The following PRKG1 variants were observed in gnomAD, a reference collection of about 807,000 sequenced individuals.
The protein encoded by PRKG1 is cGMP-dependent protein kinase 1.
PRKG1 carries 35 observed loss-of-function variants against 88.1 expected under a neutral mutation model. The observed-to-expected ratio is 0.40, with a 90% CI of 0.30 to 0.53. The LOEUF is 0.53. Ranked by LOEUF, PRKG1 falls within the 20% of genes least tolerant of loss-of-function variation. The pLI, the probability that PRKG1 is intolerant of heterozygous loss-of-function variation, is 0.59. For synonymous variants in PRKG1, 303 were observed against 292.5 expected, an observed-to-expected ratio of 1.04 and a Z score of -0.37; for missense variants, 540 against 839.8, an observed-to-expected ratio of 0.64 and a Z score of 4.41.
At chr10:51,406,859 T>G in intron 2 of PRKG1, among the ~76,000 whole-genome samples, 1 of 152,156 alleles carries the variant, frequency 6.6e-6, no homozygotes, top group East Asian at 1.9e-4. Context: ...GGGGAGTTTA[T>G]TAAGTATTAA....
At chr10:51,201,136 G>A (rs1837901788) in intron 2 of PRKG1, among the ~76,000 whole-genome samples, 2 of 152,118 alleles carry the variant, frequency 1.3e-5, no homozygotes, top group Admixed American at 1.3e-4. Flanking sequence ...TTAAAACTAA[G>A]TGTATTGGCT....
Position 52,266,838 on chromosome 10 carries a change from C to T in PRKG1, c.1174-4512C>T, listed in dbSNP as rs547511590. On this transcript the variant is annotated intron_variant, in intron 10 of 17. Coordinates refer to ENST00000373980, the MANE Select transcript of PRKG1 (RefSeq NM_006258.4). ...TTAGTCAAATGTCACACTAGTCACACTCTCAACCAGTGCATTAGCCTGTAC... is the reference window on the plus strand; with the variant it reads ...TTAGTCAAATGTCACACTAGTCACATTCTCAACCAGTGCATTAGCCTGTAC... Among the ~76,000 whole-genome samples the T allele has an allele frequency of 6.6e-5, 10 of 152,102 alleles. No individual in the cohort carries two copies. In the South Asian group the frequency reaches 1.9e-3, roughly 28 times the overall value.
chr10:52,010,091 A>G (rs548644951), intron 5 of PRKG1, among the ~76,000 whole-genome samples: 1 of 152,322 alleles, frequency 6.6e-6, no homozygotes, highest in South Asian at 2.1e-4. Flanking sequence ...CCTAGGAAGT[A>G]GCATTCTGGA....
chr10:51,349,667 C>G (rs563382920), intron 2 of PRKG1, among the ~76,000 whole-genome samples: 67 of 151,980 alleles, frequency 4.4e-4, no homozygotes, highest in African/African-American at 1.4e-3. Flanking sequence ...CCACCACGCC[C>G]AGCTAATTTT....
intron 3 of PRKG1, among the ~76,000 whole-genome samples, chr10:51,588,826 A>C (rs1008160885): frequency 3.3e-5 from 5 of 152,196 alleles, no homozygotes; most frequent in African/African-American, 7.2e-5. Context: ...GCTTTCCATC[A>C]AAAGGCTAGG....
chr10:51,021,160 C>G (rs188910851), intron 1 of PRKG1, among the ~76,000 whole-genome samples: 16 of 152,224 alleles, frequency 1.1e-4, no homozygotes, highest in Admixed American at 2.0e-4. Context: ...ATGGTACACT[C>G]TTTAATCAGA....
chr10:51,050,593 C>G (rs904937503), intron 1 of PRKG1, among the ~76,000 whole-genome samples: 34 of 152,156 alleles, frequency 2.2e-4, no homozygotes, highest in African/African-American at 8.2e-4. Flanking sequence ...CATGTCTTGG[C>G]TATTGTAAAT....
chr10:51,565,180 G>T (rs910093463), intron 3 of PRKG1, among the ~76,000 whole-genome samples: 1 of 151,618 alleles, frequency 6.6e-6, no homozygotes, highest in Non-Finnish European at 1.5e-5. Context: ...CTCAAATTGG[G>T]ATACATTTTT....
chr10:51,788,797 G>A (rs1035617741), intron 3 of PRKG1, among the ~76,000 whole-genome samples: 1 of 152,158 alleles, frequency 6.6e-6, no homozygotes, highest in Admixed American at 6.5e-5. Context: ...AACTTCTAAA[G>A]CATGTCAACA....
chr10:51,677,596 T>A (rs539078809), intron 3 of PRKG1, among the ~76,000 whole-genome samples: 1 of 152,290 alleles, frequency 6.6e-6, no homozygotes, highest in East Asian at 1.9e-4. Flanking sequence ...ATAAATACAC[T>A]CGCCAGTGTC....
intron 3 of PRKG1, among the ~76,000 whole-genome samples, chr10:51,678,951 T>C (rs1840777917): frequency 6.6e-6 from 1 of 152,244 alleles, no homozygotes; most frequent in African/African-American, 2.4e-5. Flanking sequence ...AGTGGTCTCC[T>C]AATTCATCTG....
At chr10:51,271,491 T>C (rs1284043522) in intron 2 of PRKG1, among the ~76,000 whole-genome samples, 2 of 152,178 alleles carry the variant, frequency 1.3e-5, no homozygotes, top group Admixed American at 1.3e-4. Flanking sequence ...ATATTATGGA[T>C]ATAAGATGTA....
chr10:51,374,531 G>A (rs1842780002), intron 2 of PRKG1, among the ~76,000 whole-genome samples: 1 of 152,108 alleles, frequency 6.6e-6, no homozygotes, highest in African/African-American at 2.4e-5. Flanking sequence ...ACATAAATGG[G>A]ATTAGGTGCC....
rs183113646 is a variant in PRKG1 at position 51,501,467 on chromosome 10, G to C, written c.592+33631G>C. Among the ~76,000 whole-genome samples the C allele has an allele frequency of 1.4e-3, 213 of 152,206 alleles. 3 individuals are homozygous for C. The South Asian group carries it at 0.031, about 22-fold the overall frequency. On this transcript the variant is annotated intron_variant, in intron 3 of 17. Transcript: ENST00000373980. ...GCAACCTGCTGGATGGATTCCTGTA[G>C]AACATCTTCCACTGTAGCTGGCATG... is the stretch of plus-strand genomic sequence containing the variant.
At chr10:51,113,944 CGTGTGTGTGTGTGT>C (rs35562284) in intron 1 of PRKG1, among the ~76,000 whole-genome samples, 391 of 139,124 alleles carry the variant, frequency 2.8e-3, no homozygotes, top group African/African-American at 7.5e-3. Context: ...AGCCTGTAAA[CGTGTGTGTGTGTGT>C]GTGTGTGTGT....
At chr10:52,166,430 A>ATTTTTT (rs71032627) in intron 9 of PRKG1, among the ~76,000 whole-genome samples, 1 of 105,672 alleles carries the variant, frequency 9.5e-6, no homozygotes, top group African/African-American at 3.2e-5. Context: ...TTTGAATATA[A>ATTTTTT]TTTTTTTTTT....
chr10:52,257,854 A>G lies in PRKG1; in HGVS notation c.1173+6188A>G, dbSNP rs1841345177. 1.4e-5 allele frequency among the ~76,000 whole-genome samples: 2 copies of G among 139,574 alleles called. 1 individual carries two copies. 91.6% of individuals were successfully genotyped at this position (139,574 alleles called of 152,430 possible). On this transcript the variant is annotated intron_variant, in intron 10 of 17. Coordinates refer to ENST00000373980, the MANE Select transcript of PRKG1 (RefSeq NM_006258.4). Reference sequence around the variant, plus strand: ...AATCCCATCTAATAAACACTAATTGAGCATCAGTAGGTGTAGTAACAATAT... The same window carrying G: ...AATCCCATCTAATAAACACTAATTGGGCATCAGTAGGTGTAGTAACAATAT...
intron 4 of PRKG1, among the ~76,000 whole-genome samples, chr10:51,812,958 C>G (rs1839494886): frequency 6.6e-6 from 1 of 152,150 alleles, no homozygotes; most frequent in African/African-American, 2.4e-5. Flanking sequence ...TCTCCATCTT[C>G]AAGGTTCTCC....
At chr10:51,209,469 A>G (rs1838155776) in intron 2 of PRKG1, among the ~76,000 whole-genome samples, 1 of 152,090 alleles carries the variant, frequency 6.6e-6, no homozygotes, top group Non-Finnish European at 1.5e-5. Flanking sequence ...AGAACTGTTC[A>G]CTCATTAAGG....
Sources: allele counts gnomAD v4.1 joint callset (sites outside exome capture counted in the v4.1 genomes callset), GRCh38; gene constraint gnomAD v4.1.1; transcripts MANE v1.5; gene names NCBI Gene and HGNC (gene_info 2026-07-23, HGNC 2026-07-21).